The following ARK2N variants were observed in gnomAD, a reference collection of about 807,000 sequenced individuals.
The protein encoded by ARK2N is protein ARK2N.
the ARK2N span, among the ~76,000 whole-genome samples, chr18:46,245,220 C>T: frequency 6.6e-6 from 1 of 152,044 alleles, no homozygotes; most frequent in Non-Finnish European, 1.5e-5. Flanking sequence ...GCGTGAGCTA[C>T]CATGTCCAGC....
At chr18:46,205,167 C>T in the ARK2N span, among the ~76,000 whole-genome samples, 1 of 152,126 alleles carries the variant, frequency 6.6e-6, no homozygotes, top group African/African-American at 2.4e-5. Context: ...CTCGGCCCCC[C>T]AAAGTGCTAG....
chr18:46,212,790 C>G, the ARK2N span, among the ~76,000 whole-genome samples: 23 of 152,050 alleles, frequency 1.5e-4, no homozygotes, highest in African/African-American at 5.3e-4. Flanking sequence ...CTGTTTTATC[C>G]ACACAACTTA....
chr18:46,242,718 A>G, the ARK2N span, among the ~76,000 whole-genome samples: 1 of 152,212 alleles, frequency 6.6e-6, no homozygotes, highest in African/African-American at 2.4e-5. Context: ...ATTGAAGGTA[A>G]TCATTTGAAA....
At chr18:46,226,470 G>A in the ARK2N span, among the ~76,000 whole-genome samples, 1 of 152,152 alleles carries the variant, frequency 6.6e-6, no homozygotes, top group South Asian at 2.1e-4. Context: ...TGTATTGGGT[G>A]GGGTTTTAAA....
At chr18:46,255,683 T>C in the ARK2N span, among the ~76,000 whole-genome samples, 1 of 151,940 alleles carries the variant, frequency 6.6e-6, no homozygotes, top group African/African-American at 2.4e-5. Flanking sequence ...ACTCCTGACC[T>C]CAGGTGATCC....
chr18:46,239,053 A>G, the ARK2N span, among the ~76,000 whole-genome samples: 6 of 152,332 alleles, frequency 3.9e-5, no homozygotes, highest in Non-Finnish European at 8.8e-5. Flanking sequence ...TCTTACTTGA[A>G]GGAAAACTTT....
At chr18:46,178,629 A>AT in the ARK2N span, among the ~76,000 whole-genome samples, 1 of 151,784 alleles carries the variant, frequency 6.6e-6, no homozygotes, top group Non-Finnish European at 1.5e-5. Context: ...CTTTTTAAAG[A>AT]TTTTTCTGGG....
chr18:46,197,302 A>G, the ARK2N span, among the ~76,000 whole-genome samples: 1 of 151,652 alleles, frequency 6.6e-6, no homozygotes, highest in Non-Finnish European at 1.5e-5. Context: ...TGGTGCAATC[A>G]TGGCTCACTG....
At chr18:46,265,424 G>A in the ARK2N span, 1 of 152,364 alleles carries the variant, frequency 6.6e-6, no homozygotes, top group African/African-American at 2.4e-5. Flanking sequence ...TTGGCGTGCT[G>A]TGTGCACTGT....
the ARK2N span, among the ~76,000 whole-genome samples, chr18:46,208,276 T>A: frequency 2.0e-5 from 3 of 152,188 alleles, no homozygotes; most frequent in Non-Finnish European, 2.9e-5. Context: ...TGCTTTATGC[T>A]TTAAGAAATT....
At chr18:46,236,868 C>CTTT in the ARK2N span, among the ~76,000 whole-genome samples, 2 of 138,896 alleles carry the variant, frequency 1.4e-5, no homozygotes, top group African/African-American at 5.3e-5. Context: ...TTGTTTTTTG[C>CTTT]TTTTTTTTTT....
At chr18:46,244,029 G>A in the ARK2N span, among the ~76,000 whole-genome samples, 472 of 152,258 alleles carry the variant, frequency 3.1e-3, 5 homozygotes, top group African/African-American at 0.011. Flanking sequence ...TTGCCAGAGC[G>A]TAGAAATTAC....
At chr18:46,200,505 A>G in the ARK2N span, among the ~76,000 whole-genome samples, 2 of 152,050 alleles carry the variant, frequency 1.3e-5, no homozygotes, top group East Asian at 1.9e-4. Context: ...ATGGGGTTTC[A>G]CTATGTTGGC....
At chr18:46,253,748 C>T in the ARK2N span, 10 of 1,612,844 alleles carry the variant, frequency 6.2e-6, no homozygotes, top group East Asian at 4.5e-5. Context: ...GCTGGCAATG[C>T]GCCACTCAAT....
chr18:46,226,644 T>C, the ARK2N span, among the ~76,000 whole-genome samples: 1 of 152,202 alleles, frequency 6.6e-6, no homozygotes, highest in South Asian at 2.1e-4. Context: ...GATAGATGTT[T>C]TTATGTGCAG....
At chr18:46,255,435 CTTTTCTTTTCTTTTTT>C in the ARK2N span, among the ~76,000 whole-genome samples, 49 of 117,212 alleles carry the variant, frequency 4.2e-4, no homozygotes, top group East Asian at 4.1e-3. Flanking sequence ...CTTTGCTTTT[CTTTTCTTTTCTTTTTT>C]TTTTTTTTTT....
At chr18:46,236,747 T>C in the ARK2N span, among the ~76,000 whole-genome samples, 1 of 152,208 alleles carries the variant, frequency 6.6e-6, no homozygotes, top group East Asian at 1.9e-4. Context: ...CATAGAGGAA[T>C]AATCATGTCA....
chr18:46,211,739 G>T, the ARK2N span, among the ~76,000 whole-genome samples: 2 of 152,070 alleles, frequency 1.3e-5, no homozygotes, highest in African/African-American at 2.4e-5. Flanking sequence ...TTGGAGGGAA[G>T]AACAGCATGG....
chr18:46,191,664 C>T, the ARK2N span, among the ~76,000 whole-genome samples: 2 of 152,312 alleles, frequency 1.3e-5, no homozygotes, highest in East Asian at 3.9e-4. Flanking sequence ...CCTCCATTAA[C>T]TTGTCCTTCT....
Sources: allele counts gnomAD v4.1 joint callset (sites outside exome capture counted in the v4.1 genomes callset), GRCh38; gene constraint gnomAD v4.1.1; transcripts MANE v1.5; gene names NCBI Gene and HGNC (gene_info 2026-07-23, HGNC 2026-07-21).